ST6GALNAC3: variants seen among roughly 807,000 people sequenced by gnomAD.
ST6GALNAC3 encodes alpha-N-acetylgalactosaminide alpha-2,6-sialyltransferase 3.
ST6GALNAC3 carries 25 observed loss-of-function variants against 32.7 expected under a neutral mutation model. The observed-to-expected ratio is 0.76, with a 90% CI of 0.56 to 1.07. The LOEUF (loss-of-function observed/expected upper bound fraction) is 1.07. Among genes scored for constraint, ST6GALNAC3 ranks in the 50% least tolerant of loss-of-function variants. The pLI is 0.00. For synonymous variants in ST6GALNAC3, 129 were observed against 133.1 expected (o/e 0.97, Z 0.21); for missense variants, 355 against 382.4 (o/e 0.93, Z 0.60).
chr1:76,636,739 C>G (rs1024931192), downstream of ST6GALNAC3: 9 of 151,684 alleles, frequency 5.9e-5, no homozygotes, highest in African/African-American at 2.2e-4. Context: ...TTTTTTTTCA[C>G]CTAATACGAA....
chr1:76,634,261 T>C lies in ST6GALNAC3; in HGVS notation c.*5455T>C. On this transcript the variant is annotated 3_prime_UTR_variant, in exon 5 of 5. Transcript: ENST00000328299. Reference sequence around the variant, plus strand: ...ACATATTTGCCTATGAAGTGAGAGCTATTTCTAAGAAACTTCAAAAAGATC... The same window carrying C: ...ACATATTTGCCTATGAAGTGAGAGCCATTTCTAAGAAACTTCAAAAAGATC... The C allele has an allele frequency of 1.4e-6, 1 of 718,610 alleles. No individual in the cohort carries two copies. Among genetic ancestry groups the C allele is most frequent in the Non-Finnish European group, 1.7e-6 (1 of 586,214 alleles). The allele number at this position is 718,610 out of a possible 1,614,324, so 44.5% of individuals were successfully genotyped here. A position where few individuals can be genotyped will look rare whatever the true frequency, so the allele number is the denominator to read the frequency against.
intron 3 of ST6GALNAC3, among the ~76,000 whole-genome samples, chr1:76,457,539 T>C (rs1199270063): frequency 6.6e-6 from 1 of 150,692 alleles, no homozygotes; most frequent in East Asian, 1.9e-4. Flanking sequence ...AACAGAGATA[T>C]AGATCAATGG....
intron 1 of ST6GALNAC3, among the ~76,000 whole-genome samples, chr1:76,298,413 C>G: frequency 6.6e-6 from 1 of 151,952 alleles, no homozygotes; most frequent in South Asian, 2.1e-4. Context: ...ATCCCAGAAG[C>G]AGCATGCAGG....
chr1:76,221,623 A>G (rs575055072), intron 1 of ST6GALNAC3, among the ~76,000 whole-genome samples: 57 of 152,134 alleles, frequency 3.7e-4, no homozygotes, highest in Non-Finnish European at 7.1e-4. Flanking sequence ...TGATTCAACA[A>G]TCAGGCTCTC....
intron 1 of ST6GALNAC3, among the ~76,000 whole-genome samples, chr1:76,098,964 G>A (rs1318431707): frequency 6.6e-6 from 1 of 151,850 alleles, no homozygotes; most frequent in South Asian, 2.1e-4. Context: ...ATGTAAAATA[G>A]GGCATCATTT....
chr1:76,596,426 G>C (rs916686300), intron 3 of ST6GALNAC3, among the ~76,000 whole-genome samples: 2 of 152,160 alleles, frequency 1.3e-5, no homozygotes, highest in African/African-American at 4.8e-5. Flanking sequence ...CCTAGAAAGG[G>C]AAGGTGAGCA....
intron 1 of ST6GALNAC3, among the ~76,000 whole-genome samples, chr1:76,092,352 C>A (rs1647059081): frequency 6.6e-6 from 1 of 152,036 alleles, no homozygotes; most frequent in African/African-American, 2.4e-5. Context: ...GTGGCTAATC[C>A]CTTGGTAAAG....
chr1:76,183,147 A>T (rs551307930), intron 1 of ST6GALNAC3, among the ~76,000 whole-genome samples: 32 of 152,306 alleles, frequency 2.1e-4, no homozygotes, highest in African/African-American at 7.5e-4. Flanking sequence ...TCTTGTGGTC[A>T]CGTAATGAAA....
At chr1:76,456,222 C>T (rs987578184) in intron 3 of ST6GALNAC3, among the ~76,000 whole-genome samples, 25 of 152,238 alleles carry the variant, frequency 1.6e-4, no homozygotes, top group Admixed American at 3.3e-4. Flanking sequence ...AACTGTAAAC[C>T]ACAGTACAAT....
At chr1:76,229,539 T>C (rs559555288) in intron 1 of ST6GALNAC3, among the ~76,000 whole-genome samples, 15 of 152,200 alleles carry the variant, frequency 9.9e-5, no homozygotes, top group Non-Finnish European at 8.8e-5. Flanking sequence ...ACTCCCTGCC[T>C]CTAGCAAGCT....
At chr1:76,257,390 G>C (rs1297284780) in intron 1 of ST6GALNAC3, among the ~76,000 whole-genome samples, 1 of 152,108 alleles carries the variant, frequency 6.6e-6, no homozygotes, top group Non-Finnish European at 1.5e-5. Flanking sequence ...GAGGTGACTT[G>C]TTAAATGTAC....
rs114284775 is a variant in ST6GALNAC3 at position 76,412,234 on chromosome 1, C to T, written c.440C>T (p.Ala147Val). Residue 147 changes from alanine to valine, a missense_variant, in exon 3 of 5, where the codon GCG (alanine) becomes GTG (valine). Ala to Val is a moderately conservative substitution (Grantham distance 64). Transcript: ENST00000328299. The stretch of plus-strand genomic sequence containing the variant: ...AACCCTGATTATTTTTTCAAGGAAG[C>T]GAATACTACTATTTATGTTATTTGG... ...LKNPDYFFKE[A>V]NTTIYVIWGP... is the part of the protein sequence containing the mutation. The T allele has an allele frequency of 1.4e-5, 22 of 1,613,524 alleles. No homozygotes were observed. The East Asian group carries it at 4.5e-4, about 33-fold the overall frequency.
chr1:76,233,426 G>A (rs1656479763), intron 1 of ST6GALNAC3, among the ~76,000 whole-genome samples: 2 of 152,156 alleles, frequency 1.3e-5, no homozygotes, highest in South Asian at 4.1e-4. Flanking sequence ...CAAAAACAAG[G>A]AGTAGGGAAG....
At chr1:76,441,927 T>C (rs995999192) in intron 3 of ST6GALNAC3, among the ~76,000 whole-genome samples, 40 of 152,214 alleles carry the variant, frequency 2.6e-4, no homozygotes, top group African/African-American at 9.4e-4. Flanking sequence ...TCAAAGTCTT[T>C]TAATTTCTCT....
At chr1:76,136,545 G>T (rs930858063) in intron 1 of ST6GALNAC3, among the ~76,000 whole-genome samples, 2 of 151,852 alleles carry the variant, frequency 1.3e-5, no homozygotes, top group South Asian at 4.1e-4. Flanking sequence ...TAAGAGTACT[G>T]TTCAACAAAG....
intron 3 of ST6GALNAC3, among the ~76,000 whole-genome samples, chr1:76,577,823 G>A (rs957910000): frequency 2.0e-5 from 3 of 151,994 alleles, no homozygotes; most frequent in Admixed American, 2.0e-4. Flanking sequence ...TTCACTTGGA[G>A]AAAGAGACTA....
In ST6GALNAC3 at chr1:76,318,670, A is replaced by AT. The variant is rs1646913268; in HGVS notation, c.213+4673dup. On this transcript the variant is annotated intron_variant, in intron 2 of 4. Transcript: ENST00000328299. ...TATAGCATTATGGCAGAATTACTGT[A>AT]TTATCAACTGGCTTTGGATATGGTA... 2.6e-5 allele frequency among the ~76,000 whole-genome samples: 4 copies of AT among 152,306 alleles called. No homozygotes were observed. In the South Asian group the frequency reaches 8.3e-4, roughly 32 times the overall value.
rs1378747294 is a variant in ST6GALNAC3, at chr1:76,632,708, A to C, written c.*3902A>C. ...GTTACTTAGAGAAGAGACAACACTA[A>C]AGTACTTCACCTGGTAGTGTTAATT... On this transcript the variant is annotated 3_prime_UTR_variant, in exon 5 of 5. Coordinates refer to ENST00000328299, the MANE Select transcript of ST6GALNAC3 (RefSeq NM_152996.4). The C allele has an allele frequency of 6.6e-6, 1 of 152,058 alleles. No individual in the cohort carries two copies. Among genetic ancestry groups the C allele is most frequent in the Admixed American group, 6.6e-5 (1 of 15,266 alleles). 9.4% of individuals were successfully genotyped at this position (152,058 alleles called of 1,614,324 possible). A position where few individuals can be genotyped will look rare whatever the true frequency, so the allele number is the denominator to read the frequency against.
At chr1:76,247,383 G>A (rs1165760086) in intron 1 of ST6GALNAC3, among the ~76,000 whole-genome samples, 1 of 152,158 alleles carries the variant, frequency 6.6e-6, no homozygotes, top group Admixed American at 6.5e-5. Context: ...GAGCCGGCAG[G>A]CAGGAGAGAT....
Sources: gnomAD v4.1 joint callset for allele counts (sites outside exome capture counted in the v4.1 genomes callset) on GRCh38, gnomAD v4.1.1 for gene constraint, MANE v1.5 for transcripts, NCBI Gene and HGNC (gene_info 2026-07-23, HGNC 2026-07-21) for gene names.